ANHX: variants seen among roughly 807,000 people sequenced by gnomAD.
ANHX encodes anomalous homeobox protein.
Under a neutral mutation model 38.9 loss-of-function variants are expected in ANHX, and 20 were observed. That is an observed-to-expected ratio of 0.51 (90% confidence interval 0.36 to 0.75). The LOEUF is 0.75. ANHX is among the 30% of genes least tolerant of loss of function. The probability of loss-of-function intolerance (pLI) is 0.00; values close to 1 mark genes in which losing one functional copy is unlikely to be tolerated. For missense variants in ANHX, 475 were observed against 493.1 expected, an observed-to-expected ratio of 0.96 and a Z score of 0.35; for synonymous variants, 185 against 203.1, an observed-to-expected ratio of 0.91 and a Z score of 0.76.
At chr12:133,234,023 A>C in intron 2 of ANHX, 85 bp downstream of exon 2, 3 of 1,460,178 alleles carry the variant, frequency 2.1e-6, no homozygotes, top group Non-Finnish European at 2.7e-6. Flanking sequence ...ACTCCTGGGT[A>C]CTGCTGCAGT....
At chr12:133,224,788 A>G (rs543308334) in intron 7 of ANHX, among the ~76,000 whole-genome samples, 1 of 150,546 alleles carries the variant, frequency 6.6e-6, no homozygotes, top group African/African-American at 2.5e-5. Context: ...ACAGGGTGAA[A>G]CCCCGTCTCT....
rs185878287 is a variant in ANHX at position 133,232,521 on chromosome 12, G to A, written c.250-877C>T. 1.5e-3 allele frequency among the ~76,000 whole-genome samples: 234 copies of A among 152,284 alleles called. 1 individual carries two copies. The highest frequency in any genetic ancestry group is 3.0e-3 in the Non-Finnish European group (202 of 68,014). On this transcript the variant is annotated intron_variant, in intron 2 of 9. Coordinates refer to ENST00000545940, the MANE Select transcript of ANHX (RefSeq NM_001372060.1). Reference sequence around the variant, plus strand: ...CTCCTCTCAGCACGCGGCCTTCAGGGAACCTGCATGGGAACTTCCCCCTGC... The same window carrying A: ...CTCCTCTCAGCACGCGGCCTTCAGGAAACCTGCATGGGAACTTCCCCCTGC...
Position 133,226,938 on chromosome 12 carries a change from G to A in ANHX, c.716C>T (p.Ser239Leu). 2 of 1,521,280 alleles carry A rather than the reference G, an allele frequency of 1.3e-6. No individual in the cohort carries two copies. 94.2% of individuals were successfully genotyped at this position (1,521,280 alleles called of 1,614,324 possible). The change falls in exon 5 of 10, where the codon TCA becomes TTA. Residue 239 changes from serine (S) to leucine (L), a missense_variant and splice_region_variant. Physicochemically the swap from Ser to Leu is moderately radical, Grantham distance 145. Transcript: ENST00000545940. ...ACTGGGGCCCTCAGGCCACTCACCT[G>A]ACCACTGAGGCCTGTCCACAAACCC... ...DSGFVDRPQW[S>L]EEREEKGPPQ...
In ANHX at chr12:133,234,279, G is replaced by T. The variant is rs1323658323; in HGVS notation, c.78C>A (p.Gly26=). The change falls in exon 2 of 10, where the codon GGC becomes GGA. Residue 26 remains glycine, a synonymous_variant. Coordinates refer to ENST00000545940, the MANE Select transcript of ANHX (RefSeq NM_001372060.1). ...CATCCTGGAAGTCCCGGCACAGTCT[G>T]CCCGCAAGGGTCACCAGCTCCGCCG... The part of the protein sequence containing the change: ...APPAELVTLA[G]RLCRDFQDDL... 3 of 1,536,174 alleles carry T rather than the reference G, an allele frequency of 2.0e-6. No individual in the cohort carries two copies. Among genetic ancestry groups the T allele is most frequent in the South Asian group, 1.2e-5 (1 of 84,068 alleles).
At position 133,231,476 on chromosome 12, in the gene ANHX, G is replaced by T. The variant is rs771109566; in HGVS notation, c.377+41C>A. 3 of 1,535,152 alleles carry T rather than the reference G, an allele frequency of 2.0e-6. No homozygotes were observed. The South Asian group carries it at 3.6e-5, about 18-fold the overall frequency. On this transcript the variant is annotated intron_variant, in intron 3 of 9. Coordinates refer to ENST00000545940, the MANE Select transcript of ANHX (RefSeq NM_001372060.1). ...TTGCATGGTACATCTAATCCCTTGG[G>T]ATCCCCATGAAATATGCACAAGTAA...
intron 9 of ANHX, 79 bp downstream of exon 9, chr12:133,219,204 G>T: frequency 7.5e-7 from 1 of 1,324,512 alleles, no homozygotes; most frequent in Non-Finnish European, 1.0e-6. Flanking sequence ...AGTGGCACTA[G>T]CTGAACCCTC....
chr12:133,219,240 G>T, intron 9 of ANHX, 43 bp downstream of exon 9: 1 of 1,483,918 alleles, frequency 6.7e-7, no homozygotes, highest in Non-Finnish European at 9.1e-7. Flanking sequence ...TGCAGATCCA[G>T]GAGTAAAGAG....
chr12:133,224,947 AG>A lies in ANHX; in HGVS notation c.1132+588del, dbSNP rs568114198. 1.8e-3 allele frequency among the ~76,000 whole-genome samples: 257 copies of A among 146,276 alleles called. 1 individual carries two copies. Among genetic ancestry groups the A allele is most frequent in the African/African-American group, 5.8e-3 (225 of 38,544 alleles). On this transcript the variant is annotated intron_variant, in intron 7 of 9. Coordinates refer to ENST00000545940, the MANE Select transcript of ANHX (RefSeq NM_001372060.1). Reference sequence around the variant, plus strand: ...ACGCCACTGCACTCCAGCCTGGGTGAGCAAGACTCCGTCTCAAAAAAAAAAA... The same window carrying A: ...ACGCCACTGCACTCCAGCCTGGGTGACAAGACTCCGTCTCAAAAAAAAAAA...
At chr12:133,232,314 A>G (rs1957292346) in intron 2 of ANHX, among the ~76,000 whole-genome samples, 2 of 152,150 alleles carry the variant, frequency 1.3e-5, no homozygotes, top group South Asian at 4.1e-4. Flanking sequence ...CATTTCCTTA[A>G]TTCCAATCAT....
intron 6 of ANHX, among the ~76,000 whole-genome samples, 121 bp from the exon 7 acceptor site, chr12:133,225,949 T>C (rs1420442472): frequency 1.3e-5 from 2 of 152,154 alleles, no homozygotes; most frequent in East Asian, 3.8e-4. Flanking sequence ...AGATACTGGC[T>C]GGTATTAACT....
In ANHX at chr12:133,218,534, G is replaced by A. The variant is rs1056247360; in HGVS notation, c.*351C>T. On this transcript the variant is annotated 3_prime_UTR_variant, in exon 10 of 10. Transcript: ENST00000545940. ...GGTGGAAAAGTCTGGCTGTGTGCACGGGCAGACGGCAAGGCAGCCAGCAGC... is the reference window on the plus strand; with the variant it reads ...GGTGGAAAAGTCTGGCTGTGTGCACAGGCAGACGGCAAGGCAGCCAGCAGC... 8 of 178,558 alleles carry A rather than the reference G, an allele frequency of 4.5e-5. No homozygotes were observed. The highest frequency in any genetic ancestry group is 1.5e-4 in the East Asian group (1 of 6,854). 11.1% of individuals were successfully genotyped at this position (178,558 alleles called of 1,614,324 possible).
intron 3 of ANHX, among the ~76,000 whole-genome samples, chr12:133,229,982 C>A (rs545414539): frequency 6.6e-6 from 1 of 152,218 alleles, no homozygotes; most frequent in Admixed American, 6.5e-5. Flanking sequence ...TGACACATCA[C>A]CATACTCAAG....
Position 133,221,839 on chromosome 12 carries a change from G to A in ANHX, c.1133-487C>T, listed in dbSNP as rs1464195004. 2.0e-5 allele frequency among the ~76,000 whole-genome samples: 3 copies of A among 152,100 alleles called. No homozygotes were observed. Among genetic ancestry groups the A allele is most frequent in the African/African-American group, 4.8e-5 (2 of 41,402 alleles). The stretch of plus-strand genomic sequence containing the variant: ...TCCCCTCCCTTTGACTTTCCAGAGC[G>A]TATCTCAGAACATCTCTCACTCTTA... On this transcript the variant is annotated intron_variant, in intron 7 of 9. Transcript: ENST00000545940. The surrounding 1 kb of genome is among the most constrained non-coding windows in gnomAD (Gnocchi z 4.1).
intron 6 of ANHX, among the ~76,000 whole-genome samples, 172 bp from the exon 7 acceptor site, chr12:133,226,000 C>T (rs913484029): frequency 4.6e-5 from 7 of 152,168 alleles, no homozygotes; most frequent in Non-Finnish European, 8.8e-5. Flanking sequence ...AAACAAACCA[C>T]AGGGACAGCT....
chr12:133,221,353 C>T lies in ANHX; in HGVS notation c.1133-1G>A. 1 of 1,534,546 alleles carries T rather than the reference C, an allele frequency of 6.5e-7. No individual in the cohort carries two copies. Among genetic ancestry groups the T allele is most frequent in the Non-Finnish European group, 8.7e-7 (1 of 1,146,204 alleles). On this transcript the variant is annotated splice_acceptor_variant, in intron 7 of 9. Coordinates refer to ENST00000545940, the MANE Select transcript of ANHX (RefSeq NM_001372060.1). LOFTEE classifies it high-confidence loss of function. The surrounding 1 kb of genome is among the most constrained non-coding windows in gnomAD (Gnocchi z 4.1). ...TGGCCGCTGGGGGGGCCAGAAAACC[C>T]TGCATGTAATGAGATTCCACGGCAC... is the stretch of plus-strand genomic sequence containing the variant.
At chr12:133,233,307 G>A (rs1957312003) in intron 2 of ANHX, among the ~76,000 whole-genome samples, 1 of 152,192 alleles carries the variant, frequency 6.6e-6, no homozygotes, top group African/African-American at 2.4e-5. Context: ...AACAGGTGGA[G>A]GGGACAGGAG....
intron 8 of ANHX, among the ~76,000 whole-genome samples, chr12:133,220,680 C>A (rs1168143209): frequency 6.6e-6 from 1 of 152,028 alleles, no homozygotes; most frequent in African/African-American, 2.4e-5. Context: ...CGATAGCCTC[C>A]CCACCAGAGG....
At chr12:133,227,580 T>A (rs1470948595) in intron 4 of ANHX, among the ~76,000 whole-genome samples, 1 of 152,200 alleles carries the variant, frequency 6.6e-6, no homozygotes, top group African/African-American at 2.4e-5. Context: ...ACACAGTGGG[T>A]GCTGAGTGAG....
In ANHX at chr12:133,218,711, A is replaced by C. The variant is rs1256853902; in HGVS notation, c.*174T>G. ...TCTCTACTACAGGGAATTGCTAACCAAACTATTCAAACATGGCAGTGGGAA... is the reference window on the plus strand; with the variant it reads ...TCTCTACTACAGGGAATTGCTAACCCAACTATTCAAACATGGCAGTGGGAA... On this transcript the variant is annotated 3_prime_UTR_variant, in exon 10 of 10. Coordinates refer to ENST00000545940, the MANE Select transcript of ANHX (RefSeq NM_001372060.1). 2.1e-6 allele frequency: 1 copy of C among 479,836 alleles called. No individual in the cohort carries two copies. The highest frequency in any genetic ancestry group is 3.6e-6 in the Non-Finnish European group (1 of 275,250). 29.7% of individuals were successfully genotyped at this position (479,836 alleles called of 1,614,324 possible). A position where few individuals can be genotyped will look rare whatever the true frequency, so the allele number is the denominator to read the frequency against.
Sources: allele counts gnomAD v4.1 joint callset (sites outside exome capture counted in the v4.1 genomes callset), GRCh38; gene constraint gnomAD v4.1.1; non-coding constraint Gnocchi (gnomAD v3.1); transcripts MANE v1.5; gene names NCBI Gene and HGNC (gene_info 2026-07-23, HGNC 2026-07-21).